KHDRBS2: variants seen among roughly 807,000 people sequenced by gnomAD.
KHDRBS2 encodes the protein KH domain-containing, RNA-binding, signal transduction-associated protein 2.
A neutral mutation model predicts 44.3 loss-of-function variants in KHDRBS2; 26 were observed. The ratio of observed to expected loss-of-function variants is 0.59; its 90% CI spans 0.43 to 0.81. The LOEUF (loss-of-function observed/expected upper bound fraction) is 0.81, where lower values mean the gene tolerates loss of function less well. Among genes scored for constraint, KHDRBS2 ranks in the 40% least tolerant of loss-of-function variants. The pLI, the probability that KHDRBS2 is intolerant of heterozygous loss-of-function variation, is 0.00. For synonymous variants in KHDRBS2, 194 were observed against 151.1 expected, an observed-to-expected ratio of 1.28 and a Z score of -2.08; for missense variants, 476 against 433.1, an observed-to-expected ratio of 1.10 and a Z score of -0.88.
intron 2 of KHDRBS2, among the ~76,000 whole-genome samples, chr6:62,100,306 C>T (rs1801565979): frequency 6.6e-6 from 1 of 152,192 alleles, no homozygotes; most frequent in African/African-American, 2.4e-5. Flanking sequence ...AAGAAAGTCA[C>T]TTCTTGAGTT....
At chr6:61,942,550 G>GA (rs1028246662) in intron 4 of KHDRBS2, among the ~76,000 whole-genome samples, 2 of 151,856 alleles carry the variant, frequency 1.3e-5, no homozygotes, top group Non-Finnish European at 2.9e-5. Flanking sequence ...GAATAAAAAA[G>GA]AAAAAGCAAA....
chr6:62,069,600 A>T (rs1313711562), intron 2 of KHDRBS2, among the ~76,000 whole-genome samples: 1 of 151,792 alleles, frequency 6.6e-6, no homozygotes, highest in Admixed American at 6.6e-5. Flanking sequence ...ACTGTGAGAG[A>T]TCACTTTCCA....
intron 3 of KHDRBS2, among the ~76,000 whole-genome samples, chr6:62,009,221 C>T (rs1441228080): frequency 2.6e-5 from 4 of 152,076 alleles, no homozygotes; most frequent in African/African-American, 7.2e-5. Context: ...AGGTGACTCT[C>T]GTTATGTTTT....
chr6:62,105,556 T>C (rs1274359149), intron 2 of KHDRBS2, among the ~76,000 whole-genome samples: 2 of 152,232 alleles, frequency 1.3e-5, no homozygotes, highest in African/African-American at 2.4e-5. Flanking sequence ...TTTTCTAGTT[T>C]ATTTGCGTAG....
At chr6:61,577,358 C>CT in the KHDRBS2 span, among the ~76,000 whole-genome samples, 2 of 152,014 alleles carry the variant, frequency 1.3e-5, no homozygotes, top group Non-Finnish European at 2.9e-5. Flanking sequence ...TCAGCCTGAA[C>CT]TGGAGGAGGA....
At chr6:62,110,452 T>C (rs527938892) in intron 2 of KHDRBS2, among the ~76,000 whole-genome samples, 119 of 152,172 alleles carry the variant, frequency 7.8e-4, no homozygotes, top group African/African-American at 2.7e-3. Context: ...AATTTGTTCA[T>C]CACATCAATG....
intron 2 of KHDRBS2, among the ~76,000 whole-genome samples, chr6:62,110,358 T>C (rs796522599): frequency 4.6e-5 from 7 of 152,124 alleles, no homozygotes; most frequent in African/African-American, 1.7e-4. Flanking sequence ...TCTGTACCCA[T>C]ACAAAGACTT....
chr6:61,790,796 G>T (rs1426799839), intron 6 of KHDRBS2, among the ~76,000 whole-genome samples: 1 of 151,376 alleles, frequency 6.6e-6, no homozygotes, highest in African/African-American at 2.4e-5. Context: ...ACCCTTGAAT[G>T]GTTTACCCCT....
At chr6:61,839,000 C>T (rs895734247) in intron 6 of KHDRBS2, among the ~76,000 whole-genome samples, 8 of 152,048 alleles carry the variant, frequency 5.3e-5, no homozygotes, top group Non-Finnish European at 1.2e-4. Context: ...TATCACAATG[C>T]TCCAGAAACT....
At chr6:62,113,596 A>G (rs961377971) in intron 2 of KHDRBS2, among the ~76,000 whole-genome samples, 2 of 152,160 alleles carry the variant, frequency 1.3e-5, no homozygotes, top group Non-Finnish European at 2.9e-5. Flanking sequence ...TATTTTTAAC[A>G]CAATCGCATG....
chr6:62,200,870 T>C (rs1283964368), intron 1 of KHDRBS2, among the ~76,000 whole-genome samples: 1 of 151,922 alleles, frequency 6.6e-6, no homozygotes, highest in African/African-American at 2.4e-5. Flanking sequence ...ATTAAGAAAA[T>C]GTGGCACATA....
intron 6 of KHDRBS2, among the ~76,000 whole-genome samples, chr6:61,874,551 C>A (rs1360165880): frequency 6.6e-6 from 1 of 152,106 alleles, no homozygotes; most frequent in Non-Finnish European, 1.5e-5. Flanking sequence ...TTGGATGCTT[C>A]TTTTCGTATA....
chr6:62,062,616 C>T (rs979093592), intron 2 of KHDRBS2, among the ~76,000 whole-genome samples: 69 of 148,900 alleles, frequency 4.6e-4, no homozygotes, highest in South Asian at 8.6e-4. Context: ...ATCTCTGGGA[C>T]GCATTCAAAG....
At chr6:62,040,242 C>T (rs984930458) in intron 3 of KHDRBS2, among the ~76,000 whole-genome samples, 1 of 151,974 alleles carries the variant, frequency 6.6e-6, no homozygotes, top group African/African-American at 2.4e-5. Context: ...CCAACAGACA[C>T]ACGCATGCAC....
intron 5 of KHDRBS2, among the ~76,000 whole-genome samples, chr6:61,895,056 A>T (rs1005965884): frequency 2.6e-5 from 4 of 151,432 alleles, no homozygotes; most frequent in African/African-American, 9.7e-5. Context: ...GACTATGATT[A>T]GTTCTTATAA....
chr6:61,829,243 C>T (rs1159519278), intron 6 of KHDRBS2, among the ~76,000 whole-genome samples: 1 of 152,134 alleles, frequency 6.6e-6, no homozygotes, highest in East Asian at 1.9e-4. Flanking sequence ...ATCACTGCAA[C>T]CTCTGCCTCC....
At chr6:62,284,397 T>TA (rs747857202) in intron 1 of KHDRBS2, among the ~76,000 whole-genome samples, 36 of 152,126 alleles carry the variant, frequency 2.4e-4, no homozygotes, top group Admixed American at 8.5e-4. Flanking sequence ...ATATTAAAGA[T>TA]ACTGAAGACT....
At chr6:62,179,919 T>G (rs1301554381) in intron 1 of KHDRBS2, among the ~76,000 whole-genome samples, 3 of 151,828 alleles carry the variant, frequency 2.0e-5, no homozygotes, top group Non-Finnish European at 4.4e-5. Context: ...CTTTGGCATA[T>G]CTCCATGACT....
intron 6 of KHDRBS2, among the ~76,000 whole-genome samples, chr6:61,754,616 T>C (rs1778221584): frequency 6.6e-6 from 1 of 150,830 alleles, no homozygotes; most frequent in African/African-American, 2.4e-5. Flanking sequence ...CCACCTTACA[T>C]AGGACTTTGC....
Sources: gnomAD v4.1 joint callset for allele counts (sites outside exome capture counted in the v4.1 genomes callset) on GRCh38, gnomAD v4.1.1 for gene constraint, MANE v1.5 for transcripts, NCBI Gene and HGNC (gene_info 2026-07-23, HGNC 2026-07-21) for gene names.